ERBIN: variants seen among roughly 807,000 people sequenced by gnomAD.
ERBIN encodes the protein erbb2 interacting protein.
ERBIN carries 60 observed loss-of-function variants against 158.4 expected under a neutral mutation model. That is an observed-to-expected ratio of 0.38 (90% confidence interval 0.31 to 0.47). The LOEUF is 0.47. Among genes scored for constraint, ERBIN ranks in the 20% least tolerant of loss-of-function variants. The pLI is 0.99. For missense variants in ERBIN, 1,610 were observed against 1,648.0 expected (o/e 0.98, Z 0.40); for synonymous variants, 594 against 557.2 (o/e 1.07, Z -0.93).
intron 1 of ERBIN, among the ~76,000 whole-genome samples, chr5:65,935,169 C>T (rs1743927848): frequency 6.6e-6 from 1 of 151,822 alleles, no homozygotes; most frequent in South Asian, 2.1e-4. Context: ...TACAATGGTC[C>T]CTGATTTATA....
intron 1 of ERBIN, among the ~76,000 whole-genome samples, chr5:65,957,351 C>T (rs184666238): frequency 1.6e-4 from 25 of 152,166 alleles, no homozygotes; most frequent in African/African-American, 5.1e-4. Context: ...TTTTCCTAGG[C>T]AGAGGACCCT....
At chr5:65,961,549 TGTG>T (rs1383119209) in intron 1 of ERBIN, among the ~76,000 whole-genome samples, 1 of 152,202 alleles carries the variant, frequency 6.6e-6, no homozygotes, top group African/African-American at 2.4e-5. Context: ...GTTTTTAATT[TGTG>T]GTTGATCCAT....
chr5:66,039,041 TG>T (rs1757683604), intron 15 of ERBIN, among the ~76,000 whole-genome samples: 1 of 151,990 alleles, frequency 6.6e-6, no homozygotes, highest in African/African-American at 2.4e-5. Flanking sequence ...TGTGTGTGTG[TG>T]TGTTTATTGT....
chr5:66,041,006 G>A (rs1336107645), intron 15 of ERBIN, among the ~76,000 whole-genome samples: 1 of 151,964 alleles, frequency 6.6e-6, no homozygotes, highest in Non-Finnish European at 1.5e-5. Flanking sequence ...AGCTAAGAAA[G>A]CAGGATATTA....
At chr5:65,982,047 T>G (rs534601818) in intron 1 of ERBIN, among the ~76,000 whole-genome samples, 6 of 152,338 alleles carry the variant, frequency 3.9e-5, no homozygotes, top group African/African-American at 4.8e-5. Context: ...TTACCCTATT[T>G]ACAAGCTAAA....
intron 4 of ERBIN, among the ~76,000 whole-genome samples, chr5:66,002,422 TA>T (rs1277103364): frequency 6.6e-6 from 1 of 151,034 alleles, no homozygotes; most frequent in Admixed American, 6.5e-5. Context: ...AAGATGTGAT[TA>T]AAACATTCTG....
chr5:65,940,487 C>T (rs1166367253), intron 1 of ERBIN, among the ~76,000 whole-genome samples: 2 of 129,034 alleles, frequency 1.5e-5, no homozygotes, highest in East Asian at 2.2e-4. Flanking sequence ...CCCCCCCCCC[C>T]CGGCCAGCCG....
At chr5:66,061,948 C>T (rs896695436) in intron 21 of ERBIN, among the ~76,000 whole-genome samples, 1 of 152,196 alleles carries the variant, frequency 6.6e-6, no homozygotes, top group East Asian at 1.9e-4. Context: ...TTTGGGTAAC[C>T]CAACCTTTCT....
In ERBIN at chr5:66,076,304, A is replaced by G; in HGVS notation, c.3964-12A>G. 1.2e-6 allele frequency: 2 copies of G among 1,602,034 alleles called. No homozygotes were observed. Among genetic ancestry groups the G allele is most frequent in the Non-Finnish European group, 1.7e-6 (2 of 1,174,588 alleles). ...GAAATAGTAAGTTTCCTTTATTTTC[A>G]TATTAACTCAGATTCGAGTGAGGGT... On this transcript the variant is annotated splice_polypyrimidine_tract_variant and intron_variant, in intron 23 of 25. Transcript: ENST00000284037.
intron 4 of ERBIN, among the ~76,000 whole-genome samples, chr5:66,008,957 G>C (rs980379603): frequency 5.9e-5 from 9 of 152,074 alleles, no homozygotes; most frequent in African/African-American, 1.9e-4. Context: ...CCAGTCTTAG[G>C]TATTTACCCA....
In ERBIN at chr5:66,054,238, C is replaced by T. The variant is rs749511350; in HGVS notation, c.2920C>T (p.Pro974Ser). The T allele has an allele frequency of 2.5e-6, 4 of 1,613,946 alleles. No individual in the cohort carries two copies. Among genetic ancestry groups the T allele is most frequent in the African/African-American group, 2.7e-5 (2 of 74,890 alleles). The change falls in exon 21 of 26, where the codon CCT becomes TCT. Residue 974 changes from proline to serine, a missense_variant. Transcript: ENST00000284037. ...ACAATCTGCACCTCAAATATATGGT[C>T]CTCCACAGTATAATATCCAATACAG... ...GPQSAPQIYGPPQYNIQYSSS... is the reference protein window; with the variant it reads ...GPQSAPQIYGSPQYNIQYSSS...
chr5:66,013,120 A>G (rs113798420), intron 5 of ERBIN, among the ~76,000 whole-genome samples: 1,717 of 152,312 alleles, frequency 0.011, 28 homozygotes, highest in African/African-American at 0.039. Context: ...TATAGTGCAC[A>G]GGGCAGCCTA....
chr5:65,997,571 A>G (rs1193229271), intron 4 of ERBIN, among the ~76,000 whole-genome samples: 1 of 152,200 alleles, frequency 6.6e-6, no homozygotes, highest in African/African-American at 2.4e-5. Context: ...AATTACAAAA[A>G]AGAAAGAATC....
intron 1 of ERBIN, among the ~76,000 whole-genome samples, chr5:65,940,443 C>T (rs1174904446): frequency 7.3e-6 from 1 of 136,360 alleles, no homozygotes; most frequent in Non-Finnish European, 1.6e-5. Context: ...GCCCGGCCAG[C>T]TGCCCCGTCC....
intron 25 of ERBIN, among the ~76,000 whole-genome samples, chr5:66,077,767 C>A (rs1379932491): frequency 7.3e-6 from 1 of 137,646 alleles, no homozygotes; most frequent in Non-Finnish European, 1.6e-5. Flanking sequence ...TCTACACACA[C>A]ACACACACAC....
Position 66,072,160 on chromosome 5 carries a change from G to T in ERBIN, c.3634-9G>T. 1 of 1,545,164 alleles carries T rather than the reference G, an allele frequency of 6.5e-7. No individual in the cohort carries two copies. The highest frequency in any genetic ancestry group is 8.7e-7 in the Non-Finnish European group (1 of 1,144,752). ...ATTATTTGTTTACTTTTTATTTCCT[G>T]CTCATTAGAAGCATCCCCAGACATC... is the stretch of plus-strand genomic sequence containing the variant. On this transcript the variant is annotated splice_polypyrimidine_tract_variant and intron_variant, in intron 21 of 25. Coordinates refer to ENST00000284037, the MANE Select transcript of ERBIN (RefSeq NM_001253697.2).
rs774056940 is a variant in ERBIN at position 66,023,341 on chromosome 5, A to G, written c.649A>G (p.Asn217Asp). ...ATTGAAAGAGTTTTGGATGGATGCT[A>G]ATAGACTGACTTTTATTCCAGGGGT... Reference protein sequence around the residue: ...SGLKEFWMDANRLTFIPGFIG... With the variant: ...SGLKEFWMDADRLTFIPGFIG... The change falls in exon 9 of 26, where the codon AAT becomes GAT. Residue 217 changes from asparagine (N) to aspartate (D), a missense_variant. Around this residue, in one of 2 missense-constraint regions of ERBIN, gnomAD observed 596 missense variants for 711.9 expected, o/e 0.84. Coordinates refer to ENST00000284037, the MANE Select transcript of ERBIN (RefSeq NM_001253697.2). 1 of 1,612,284 alleles carries G rather than the reference A, an allele frequency of 6.2e-7. No individual in the cohort carries two copies. Among genetic ancestry groups the G allele is most frequent in the South Asian group, 1.1e-5 (1 of 90,852 alleles).
chr5:66,064,088 A>G (rs1760746522), intron 21 of ERBIN, among the ~76,000 whole-genome samples: 1 of 152,240 alleles, frequency 6.6e-6, no homozygotes, highest in South Asian at 2.1e-4. Flanking sequence ...ATACATTTCT[A>G]AAATGTTTTC....
intron 18 of ERBIN, among the ~76,000 whole-genome samples, chr5:66,047,031 G>A (rs1264154979): frequency 6.6e-6 from 1 of 151,978 alleles, no homozygotes; most frequent in Non-Finnish European, 1.5e-5. Context: ...GTGGCCTTTA[G>A]TATATTTACC....
Sources: allele counts gnomAD v4.1 joint callset (sites outside exome capture counted in the v4.1 genomes callset), GRCh38; gene constraint gnomAD v4.1.1; regional missense constraint gnomAD v4.1.1; transcripts MANE v1.5; gene names NCBI Gene and HGNC (gene_info 2026-07-23, HGNC 2026-07-21).